TG: variants seen among roughly 807,000 people sequenced by gnomAD.
TG encodes thyroid hormones.
In TG, 270 loss-of-function variants were observed where a neutral mutation model predicts 324.7. The observed-to-expected ratio is 0.83, with a 90% CI of 0.75 to 0.92. The LOEUF (loss-of-function observed/expected upper bound fraction) is 0.92. Among genes scored for constraint, TG ranks in the 40% least tolerant of loss-of-function variants. TG has a pLI of 0.00. For synonymous variants in TG, 1,401 were observed against 1,327.0 expected (o/e 1.06, Z -1.21); for missense variants, 3,591 against 3,456.4 (o/e 1.04, Z -0.98).
Position 132,969,562 on chromosome 8 carries a change from T to C in TG, c.5968T>C (p.Ser1990Pro). The change falls in exon 32 of 48, where the codon TCT becomes CCT. Residue 1990 changes from serine (S) to proline (P), a missense_variant. Ser to Pro is a moderately conservative substitution (Grantham distance 74, BLOSUM62 -1). Transcript: ENST00000220616. Reference protein sequence around the residue: ...NKVPMSEKSISNGFFECERRC... With the variant: ...NKVPMSEKSIPNGFFECERRC... ...AGTGCCCATGTCTGAAAAATCTATT[T>C]CTAATGGGTAAGCTACTTGTGTCTC... The C allele has an allele frequency of 6.3e-7, 1 of 1,597,768 alleles. No homozygotes were observed. Among genetic ancestry groups the C allele is most frequent in the Non-Finnish European group, 8.6e-7 (1 of 1,165,266 alleles).
intron 41 of TG, among the ~76,000 whole-genome samples, chr8:133,030,871 G>A (rs2130993818): frequency 6.6e-6 from 1 of 152,362 alleles, no homozygotes; most frequent in East Asian, 1.9e-4. Flanking sequence ...GGAGGACAGA[G>A]CCCTGGTGGG....
intron 41 of TG, among the ~76,000 whole-genome samples, chr8:133,078,527 C>T (rs1845249596): frequency 1.3e-5 from 2 of 152,130 alleles, no homozygotes; most frequent in Non-Finnish European, 2.9e-5. Flanking sequence ...GTCTCGAGTC[C>T]AAGAATATTG....
Position 132,906,892 on chromosome 8 carries a change from C to T in TG, c.3839C>T (p.Ala1280Val), listed in dbSNP as rs778440184. Residue 1280 changes from alanine to valine, a missense_variant, in exon 17 of 48, where the codon GCC (alanine) becomes GTC (valine). Coordinates refer to ENST00000220616, the MANE Select transcript of TG (RefSeq NM_003235.5). ...GAGTCACAGCTGCCTCAGCCCCGGG[C>T]CTGCCAACGTGAGTGGCATCAGAGC... ...RWESQLPQPR[A>V]CQRPQLWQTI... 3.8e-5 allele frequency: 61 copies of T among 1,611,620 alleles called. No homozygotes were observed. Among genetic ancestry groups the T allele is most frequent in the Non-Finnish European group, 5.0e-5 (59 of 1,179,082 alleles).
intron 10 of TG, among the ~76,000 whole-genome samples, chr8:132,891,601 C>G (rs1180759637): frequency 6.6e-6 from 1 of 152,126 alleles, no homozygotes; most frequent in East Asian, 1.9e-4. Context: ...TCCCAAAGTG[C>G]TAGGATTACA....
chr8:133,001,519 G>A (rs1380874801), intron 35 of TG, among the ~76,000 whole-genome samples: 1 of 152,170 alleles, frequency 6.6e-6, no homozygotes, highest in Non-Finnish European at 1.5e-5. Flanking sequence ...GTCTTTATTT[G>A]GTCTTCCTTC....
At chr8:133,058,901 TCTGCATCTGA>T (rs1217429736) in intron 41 of TG, among the ~76,000 whole-genome samples, 20 of 152,342 alleles carry the variant, frequency 1.3e-4, no homozygotes, top group African/African-American at 3.8e-4. Context: ...CTAGGATTGT[TCTGCATCTGA>T]CTTGAAAGGG....
intron 29 of TG, among the ~76,000 whole-genome samples, chr8:132,965,097 A>G (rs372727062): frequency 6.6e-6 from 1 of 151,758 alleles, no homozygotes; most frequent in Admixed American, 6.6e-5. Context: ...GCATGGTTCA[A>G]TGGGGAGACC....
chr8:133,133,359 A>T, intron 46 of TG, 111 bp from the exon 47 acceptor site: 2 of 1,130,240 alleles, frequency 1.8e-6, no homozygotes, highest in Non-Finnish European at 2.7e-6. Context: ...CTTGACACCT[A>T]CAGATACATG....
At chr8:132,986,889 G>A (rs1831624840) in intron 35 of TG, among the ~76,000 whole-genome samples, 1 of 152,264 alleles carries the variant, frequency 6.6e-6, no homozygotes, top group African/African-American at 2.4e-5. Flanking sequence ...CGATCCTTAA[G>A]TTTTATCACT....
In TG at chr8:132,969,547, T is replaced by C; in HGVS notation, c.5953T>C (p.Ser1985Pro). The change falls in exon 32 of 48, where the codon TCT becomes CCT. Residue 1985 changes from serine to proline, a missense_variant. Coordinates refer to ENST00000220616, the MANE Select transcript of TG (RefSeq NM_003235.5). ...ATCCATTAGAAATAAAGTGCCCATG[T>C]CTGAAAAATCTATTTCTAATGGGTA... ...GISIRNKVPM[S>P]EKSISNGFFE... 6.2e-7 allele frequency: 1 copy of C among 1,611,918 alleles called. No individual in the cohort carries two copies. Among genetic ancestry groups the C allele is most frequent in the South Asian group, 1.1e-5 (1 of 91,058 alleles).
At chr8:133,014,560 A>T (rs1023982221) in intron 37 of TG, among the ~76,000 whole-genome samples, 1 of 152,246 alleles carries the variant, frequency 6.6e-6, no homozygotes, top group Non-Finnish European at 1.5e-5. Flanking sequence ...TTCTGTTAAC[A>T]CTAATCAGCT....
At chr8:133,025,272 G>C (rs985941259) in intron 40 of TG, among the ~76,000 whole-genome samples, 3 of 152,234 alleles carry the variant, frequency 2.0e-5, no homozygotes, top group African/African-American at 2.4e-5. Context: ...AGACAGGACT[G>C]AGCCTGGCCC....
At chr8:133,079,852 A>G (rs1043646773) in intron 41 of TG, among the ~76,000 whole-genome samples, 4 of 151,954 alleles carry the variant, frequency 2.6e-5, no homozygotes, top group African/African-American at 9.7e-5. Flanking sequence ...GTGCTATAAA[A>G]CTGTTGATGG....
intron 45 of TG, among the ~76,000 whole-genome samples, chr8:133,122,414 G>T (rs1465526004): frequency 6.6e-6 from 1 of 152,194 alleles, no homozygotes; most frequent in Non-Finnish European, 1.5e-5. Context: ...AAAGCCCAGG[G>T]ATGTGAGCAG....
At chr8:133,106,540 G>A in intron 43 of TG, 4 of 848,070 alleles carry the variant, frequency 4.7e-6, no homozygotes, top group Non-Finnish European at 5.7e-6. Flanking sequence ...CTGCTCCTCT[G>A]CCCTCATCAC....
chr8:132,925,498 A>G (rs1359943851), intron 22 of TG, among the ~76,000 whole-genome samples: 1 of 144,464 alleles, frequency 6.9e-6, no homozygotes, highest in East Asian at 2.0e-4. Flanking sequence ...GTGAAGTGCT[A>G]ACAAGTCCTA....
At position 132,908,281 on chromosome 8, in the gene TG, C is replaced by A; in HGVS notation, c.3943C>A (p.Gln1315Lys). The change falls in exon 18 of 48, where the codon CAG (glutamine) becomes AAG (lysine). Residue 1315 changes from glutamine (Q) to lysine (K), a missense_variant. By Grantham distance (53) the Gln-to-Lys change is moderately conservative (BLOSUM62 1). Transcript: ENST00000220616. ...MCSADYADLL[Q>K]TFQVFILDEL... Reference sequence around the variant, plus strand: ...CAGTGCTGACTACGCGGATTTGCTGCAGACTTTCCAGGTTTTCATATTGGA... The same window carrying A: ...CAGTGCTGACTACGCGGATTTGCTGAAGACTTTCCAGGTTTTCATATTGGA... The A allele has an allele frequency of 6.2e-7, 1 of 1,613,668 alleles. No individual in the cohort carries two copies. Among genetic ancestry groups the A allele is most frequent in the Non-Finnish European group, 8.5e-7 (1 of 1,179,876 alleles).
intron 36 of TG, 133 bp from the exon 37 acceptor site, chr8:133,013,467 A>C (rs992729296): frequency 1.8e-6 from 2 of 1,083,040 alleles, no homozygotes; most frequent in Admixed American, 1.8e-5. Flanking sequence ...GGATTCATGG[A>C]TGCATGATTG....
intron 41 of TG, among the ~76,000 whole-genome samples, chr8:133,057,133 T>C (rs1841580811): frequency 6.6e-6 from 1 of 152,118 alleles, no homozygotes; most frequent in Non-Finnish European, 1.5e-5. Context: ...CAGCATTATT[T>C]CTACCCTTGC....
Sources: gnomAD v4.1 joint callset for allele counts (sites outside exome capture counted in the v4.1 genomes callset) on GRCh38, gnomAD v4.1.1 for gene constraint, MANE v1.5 for transcripts, NCBI Gene and HGNC (gene_info 2026-07-23, HGNC 2026-07-21) for gene names.